BEND2: variants seen among roughly 807,000 people sequenced by gnomAD.
BEND2 encodes BEN domain containing 2, also known as BEN domain-containing protein 2.
In BEND2, 19 loss-of-function variants were observed where a neutral mutation model predicts 43.8. The ratio of observed to expected loss-of-function variants is 0.43; its 90% CI spans 0.30 to 0.64. The LOEUF (loss-of-function observed/expected upper bound fraction) is 0.64. Ranked by LOEUF, BEND2 falls within the 30% of genes least tolerant of loss-of-function variation. The probability of loss-of-function intolerance (pLI) is 0.11; values close to 1 mark genes in which losing one functional copy is unlikely to be tolerated. For missense variants in BEND2, 544 were observed against 574.0 expected (o/e 0.95, Z 0.53); for synonymous variants, 226 against 210.1 (o/e 1.08, Z -0.66).
intron 11 of BEND2, 89 bp downstream of exon 11, chrX:18,175,883 A>C: frequency 1.1e-6 from 1 of 893,527 alleles, no homozygotes; most frequent in Non-Finnish European, 1.5e-6. Flanking sequence ...CATGGCCTAA[A>C]GAGACTGTGC....
chrX:18,201,370 T>C (rs1467542440), intron 6 of BEND2, among the ~76,000 whole-genome samples: 1 of 62,796 alleles, frequency 1.6e-5, no homozygotes, highest in Admixed American at 2.8e-4. Context: ...TACTCCAGCC[T>C]GGGCAACAAG....
At chrX:18,166,640 A>G (rs1403129751) in intron 13 of BEND2, among the ~76,000 whole-genome samples, 1 of 111,427 alleles carries the variant, frequency 9.0e-6, no homozygotes, top group African/African-American at 3.3e-5. Flanking sequence ...ACAGTCGGCC[A>G]GGCGCAGTGG....
At chrX:18,215,429 T>C (rs1925646336) in intron 2 of BEND2, among the ~76,000 whole-genome samples, 1 of 112,436 alleles carries the variant, frequency 8.9e-6, no homozygotes, top group Non-Finnish European at 1.9e-5. Flanking sequence ...AAATGACTTT[T>C]TTGGTATCAG....
chrX:18,191,010 G>C lies in BEND2; in HGVS notation c.1279C>G (p.Pro427Ala), dbSNP rs761959961. Residue 427 changes from proline (P) to alanine (A), a missense_variant, in exon 8 of 14, where the codon CCC (proline) becomes GCC (alanine). Physicochemically the swap from Pro to Ala is conservative, Grantham distance 27 (BLOSUM62 -1). Around this residue, in one of 2 missense-constraint regions of BEND2, gnomAD observed 501 missense variants for 501.6 expected, o/e 1.00. Coordinates refer to ENST00000380033, the MANE Select transcript of BEND2 (RefSeq NM_153346.5). ...ATCATTTCAAACTCACCAAAATCGG[G>C]AGTGAGGCAGGCAGATGCTGAAGCA... ...DDASASACLT[P>A]DFALLPLNIL... 2 of 1,207,464 alleles carry C rather than the reference G, an allele frequency of 1.7e-6. No homozygotes were observed. The highest frequency in any genetic ancestry group is 3.6e-5 in the South Asian group (2 of 56,079).
At chrX:18,177,259 CTTT>C (rs3082649) in intron 10 of BEND2, among the ~76,000 whole-genome samples, 1,715 of 56,224 alleles carry the variant, frequency 0.031, 77 homozygotes, top group African/African-American at 0.11. Context: ...GAGCTTTTTC[CTTT>C]TTTTTTTTTT....
At position 18,193,711 on chromosome X, in the gene BEND2, G is replaced by A. The variant is rs1457057390; in HGVS notation, c.1180+1585C>T. Among the ~76,000 whole-genome samples the A allele has an allele frequency of 4.5e-5, 5 of 111,936 alleles. No individual in the cohort carries two copies. The East Asian group carries it at 1.4e-3, about 32-fold the overall frequency. ...CTAGTTTTACATTAAGGACGTTGAT[G>A]GATGTAGATTAGACAGTGCTACTAA... On this transcript the variant is annotated intron_variant, in intron 7 of 13. Coordinates refer to ENST00000380033, the MANE Select transcript of BEND2 (RefSeq NM_153346.5).
In BEND2 at chrX:18,185,862, TA is replaced by T. The variant is rs766334107; in HGVS notation, c.1288+5138del. On this transcript the variant is annotated intron_variant, in intron 8 of 13. Transcript: ENST00000380033. ...GGAAAAAAATTTTATCCTAGAATAG[TA>T]TATCTGGTGAAAATATCCTTCAAAC... 3.4e-4 allele frequency among the ~76,000 whole-genome samples: 38 copies of T among 110,771 alleles called. 1 individual carries two copies. The highest frequency in any genetic ancestry group is 1.2e-3 in the African/African-American group (36 of 30,489).
intron 8 of BEND2, among the ~76,000 whole-genome samples, chrX:18,188,859 G>A (rs1924658658): frequency 8.9e-6 from 1 of 111,984 alleles, no homozygotes; most frequent in East Asian, 2.8e-4. Context: ...GATAAATACT[G>A]ATGCAAAAAC....
chrX:18,199,570 G>C (rs772735614), intron 6 of BEND2, among the ~76,000 whole-genome samples: 67 of 110,941 alleles, frequency 6.0e-4, no homozygotes, highest in African/African-American at 2.1e-3. Flanking sequence ...AGTATAAATG[G>C]GATCTCTGTA....
At chrX:18,177,821 A>T in intron 9 of BEND2, 52 bp from the exon 10 acceptor site, 1 of 1,008,331 alleles carries the variant, frequency 9.9e-7, no homozygotes, top group Non-Finnish European at 1.4e-6. Flanking sequence ...ATGCAAGGGT[A>T]CCCTCAAAGT....
At chrX:18,217,453 G>A (rs992459626) in intron 1 of BEND2, among the ~76,000 whole-genome samples, 1 of 111,938 alleles carries the variant, frequency 8.9e-6, no homozygotes, top group African/African-American at 3.2e-5. Context: ...GACTAATGCA[G>A]GAGAATAAAA....
chrX:18,195,374 C>A lies in BEND2; in HGVS notation c.1102G>T (p.Val368Leu), dbSNP rs1484531418. ...ETNVENNSQT[V>L]YYPALSGNTS... Reference sequence around the variant, plus strand: ...TTTCCCGATAAAGCTGGGTAATACACTGTCTGAGAGTTATTTTCCACGTTG... The same window carrying A: ...TTTCCCGATAAAGCTGGGTAATACAATGTCTGAGAGTTATTTTCCACGTTG... The change falls in exon 7 of 14, where the codon GTG (valine) becomes TTG (leucine). Residue 368 changes from valine to leucine, a missense_variant. By Grantham distance (32) the Val-to-Leu change is conservative (BLOSUM62 1). This residue lies in a region of BEND2 where 501 missense variants were observed against 501.6 expected (regional missense o/e 1.00). Transcript: ENST00000380033. 1 of 1,208,908 alleles carries A rather than the reference C, an allele frequency of 8.3e-7. No homozygotes were observed. The highest frequency in any genetic ancestry group is 1.7e-5 in the African/African-American group (1 of 57,499).
chrX:18,170,176 G>A (rs1192601337), intron 13 of BEND2, among the ~76,000 whole-genome samples: 1 of 111,862 alleles, frequency 8.9e-6, no homozygotes, highest in East Asian at 2.8e-4. Flanking sequence ...TGTAATGGAA[G>A]AGAAAACACT....
intron 1 of BEND2, among the ~76,000 whole-genome samples, chrX:18,219,177 G>A (rs1281212802): frequency 8.9e-6 from 1 of 112,167 alleles, no homozygotes; most frequent in Non-Finnish European, 1.9e-5. Flanking sequence ...GGACAAGTGA[G>A]GCTCAAAAAG....
chrX:18,214,685 G>A (rs1164095536), intron 2 of BEND2, among the ~76,000 whole-genome samples: 1 of 106,578 alleles, frequency 9.4e-6, no homozygotes, highest in African/African-American at 3.4e-5. Context: ...TTAGCCAGGC[G>A]TGGTGGTGGC....
At chrX:18,216,927 A>G (rs1437932991) in intron 1 of BEND2, among the ~76,000 whole-genome samples, 194 bp from the exon 2 acceptor site, 1 of 112,773 alleles carries the variant, frequency 8.9e-6, no homozygotes, top group Non-Finnish European at 1.9e-5. Context: ...AAGTATGTAT[A>G]TATGTATGTA....
intron 10 of BEND2, among the ~76,000 whole-genome samples, chrX:18,176,967 G>T (rs1389880544): frequency 9.1e-6 from 1 of 110,097 alleles, no homozygotes; most frequent in African/African-American, 3.3e-5. Context: ...CAAAGCAGCT[G>T]CTCTGAGCTT....
At chrX:18,216,779 TAAAC>T (rs752638193) in intron 1 of BEND2, 46 bp from the exon 2 acceptor site, 10 of 999,323 alleles carry the variant, frequency 1.0e-5, no homozygotes, top group Admixed American at 7.5e-5. Flanking sequence ...TCACATTAAA[TAAAC>T]AGTTTCTTGA....
At chrX:18,216,126 G>T (rs1290517132) in intron 2 of BEND2, among the ~76,000 whole-genome samples, 1 of 111,204 alleles carries the variant, frequency 9.0e-6, no homozygotes, top group African/African-American at 3.3e-5. Context: ...GATTTTTGTT[G>T]CTTCTTTGAG....
Sources: gnomAD v4.1 joint callset for allele counts (sites outside exome capture counted in the v4.1 genomes callset) on GRCh38, gnomAD v4.1.1 for gene constraint, gnomAD v4.1.1 regional missense constraint, MANE v1.5 for transcripts, NCBI Gene and HGNC (gene_info 2026-07-23, HGNC 2026-07-21) for gene names.